NALF1: variants seen among roughly 807,000 people sequenced by gnomAD.
NALF1 encodes the protein family with sequence similarity 155 member A.
A neutral mutation model predicts 48.4 loss-of-function variants in NALF1; 3 were observed. The ratio of observed to expected loss-of-function variants is 0.06; its 90% CI spans 0.03 to 0.16. The LOEUF (loss-of-function observed/expected upper bound fraction) is 0.16. NALF1 is among the 10% of genes least tolerant of loss of function. The pLI is 1.00. For synonymous variants in NALF1, 262 were observed against 245.7 expected (o/e 1.07, Z -0.62); for missense variants, 526 against 571.5 (o/e 0.92, Z 0.81).
Position 107,251,826 on chromosome 13 carries a change from C to T in NALF1, c.916-41071G>A, listed in dbSNP as rs80096657. 4.7e-3 allele frequency among the ~76,000 whole-genome samples: 719 copies of T among 152,200 alleles called. 9 individuals are homozygous for T. The highest frequency in any genetic ancestry group is 0.016 in the African/African-American group (663 of 41,526). ...CACATATGCCTGTTAAAGAATGGAG[C>T]TTGGAATGTGGAGATTTTTATTTCT... On this transcript the variant is annotated intron_variant, in intron 1 of 2. Transcript: ENST00000375915.
At chr13:107,268,264 A>G (rs1030263792) in intron 1 of NALF1, among the ~76,000 whole-genome samples, 1 of 152,130 alleles carries the variant, frequency 6.6e-6, no homozygotes, top group Admixed American at 6.5e-5. Context: ...CCAGGATTAC[A>G]GGTGTGAGCC....
chr13:107,227,385 A>G (rs1407989851), intron 1 of NALF1, among the ~76,000 whole-genome samples: 1 of 152,238 alleles, frequency 6.6e-6, no homozygotes, highest in Non-Finnish European at 1.5e-5. Context: ...AATGTTTAAG[A>G]CACAAAGTGT....
chr13:107,394,439 T>G (rs1346061739), intron 1 of NALF1, among the ~76,000 whole-genome samples: 1 of 152,122 alleles, frequency 6.6e-6, no homozygotes, highest in Admixed American at 6.6e-5. Context: ...TCCTTCAGAC[T>G]GGGACACCTT....
Position 107,362,720 on chromosome 13 carries a change from G to C in NALF1, c.916-151965C>G, listed in dbSNP as rs1387743672. On this transcript the variant is annotated intron_variant, in intron 1 of 2. Transcript: ENST00000375915. The surrounding 1 kb of genome is among the most constrained non-coding windows in gnomAD (Gnocchi z 4.6). ...CAATTCTACCACCGACAAGTGTCTG[G>C]AGGGATGTGGAGCTCCTATGATCCA... 1.3e-5 allele frequency among the ~76,000 whole-genome samples: 2 copies of C among 152,114 alleles called. No homozygotes were observed. Among genetic ancestry groups the C allele is most frequent in the African/African-American group, 4.8e-5 (2 of 41,412 alleles).
At chr13:107,190,770 A>G (rs1879263888) in intron 2 of NALF1, among the ~76,000 whole-genome samples, 1 of 152,252 alleles carries the variant, frequency 6.6e-6, no homozygotes, top group African/African-American at 2.4e-5. Flanking sequence ...ATGGACTTCC[A>G]GTAATTTTAA....
intron 1 of NALF1, among the ~76,000 whole-genome samples, chr13:107,858,952 G>A (rs955572082): frequency 4.6e-5 from 7 of 152,200 alleles, no homozygotes; most frequent in Admixed American, 6.5e-5. Flanking sequence ...TCTATTTAAC[G>A]TCTTAGTTCA....
intron 1 of NALF1, among the ~76,000 whole-genome samples, chr13:107,790,744 C>T (rs1196083269): frequency 1.3e-5 from 2 of 152,048 alleles, no homozygotes; most frequent in African/African-American, 4.8e-5. Flanking sequence ...TCTATGGGTA[C>T]AGTATTAAAT....
chr13:107,765,609 A>G (rs1288823110), intron 1 of NALF1, among the ~76,000 whole-genome samples: 1 of 152,136 alleles, frequency 6.6e-6, no homozygotes, highest in Admixed American at 6.6e-5. Flanking sequence ...GATAGATTTA[A>G]AAGTGAAATT....
intron 1 of NALF1, among the ~76,000 whole-genome samples, chr13:107,329,390 T>G (rs1199792283): frequency 2.0e-5 from 3 of 152,100 alleles, no homozygotes; most frequent in African/African-American, 7.2e-5. Flanking sequence ...ATCTCAACTA[T>G]CCAGGGAGCA....
In NALF1 at chr13:107,181,281, C is replaced by T. The variant is rs140094335; in HGVS notation, c.1088-10495G>A. On this transcript the variant is annotated intron_variant, in intron 2 of 2. Coordinates refer to ENST00000375915, the MANE Select transcript of NALF1 (RefSeq NM_001080396.3). The stretch of plus-strand genomic sequence containing the variant: ...CTTTGTAACAATATTGAATTGAATG[C>T]CACTTTACTCAGTTAAATTGAGTAA... 3.6e-3 allele frequency among the ~76,000 whole-genome samples: 552 copies of T among 151,464 alleles called. 3 individuals are homozygous for T. Among genetic ancestry groups the T allele is most frequent in the African/African-American group, 0.011 (455 of 41,524 alleles).
At chr13:107,623,849 A>T (rs141605792) in intron 1 of NALF1, among the ~76,000 whole-genome samples, 200 of 152,336 alleles carry the variant, frequency 1.3e-3, no homozygotes, top group African/African-American at 4.4e-3. Flanking sequence ...GAAAGGAAAG[A>T]GCTTTGGCCC....
intron 1 of NALF1, among the ~76,000 whole-genome samples, chr13:107,637,988 C>T (rs1322611707): frequency 2.6e-5 from 4 of 151,696 alleles, no homozygotes; most frequent in African/African-American, 9.7e-5. Flanking sequence ...GATGAAAACT[C>T]AACAGATTTG....
intron 1 of NALF1, among the ~76,000 whole-genome samples, chr13:107,681,230 CA>C (rs368405084): frequency 1.0e-3 from 158 of 152,166 alleles, no homozygotes; most frequent in African/African-American, 3.6e-3. Context: ...TCTTTATCAG[CA>C]AAATAAAGAA....
chr13:107,211,010 G>A (rs1594071957), intron 1 of NALF1, among the ~76,000 whole-genome samples: 1 of 152,324 alleles, frequency 6.6e-6, no homozygotes, highest in East Asian at 1.9e-4. Flanking sequence ...TTAATTTTAT[G>A]TGGCTTATTT....
chr13:107,839,557 T>TC (rs922300708), intron 1 of NALF1, among the ~76,000 whole-genome samples: 10 of 151,578 alleles, frequency 6.6e-5, no homozygotes, highest in Non-Finnish European at 2.9e-5. Context: ...GTTCAATTAT[T>TC]CCCCACCTGT....
intron 1 of NALF1, among the ~76,000 whole-genome samples, chr13:107,220,977 A>G (rs567407316): frequency 1.4e-4 from 22 of 152,312 alleles, no homozygotes; most frequent in African/African-American, 5.3e-4. Context: ...GCCATAAAAA[A>G]AAGAACAAAA....
chr13:107,328,934 A>T (rs1033862994), intron 1 of NALF1, among the ~76,000 whole-genome samples: 2 of 152,224 alleles, frequency 1.3e-5, no homozygotes, highest in African/African-American at 4.8e-5. Flanking sequence ...AAAATGTTGT[A>T]ACTAGGTTTT....
intron 1 of NALF1, among the ~76,000 whole-genome samples, chr13:107,245,956 C>G (rs537415018): frequency 6.6e-6 from 1 of 152,148 alleles, no homozygotes; most frequent in South Asian, 2.1e-4. Context: ...ACACTCAGCA[C>G]CTGTAAGATA....
chr13:107,628,633 A>G (rs1879749606), intron 1 of NALF1, among the ~76,000 whole-genome samples: 1 of 152,174 alleles, frequency 6.6e-6, no homozygotes, highest in Non-Finnish European at 1.5e-5. Context: ...CCATTGTCTT[A>G]AGCAATGCCG....
Sources: allele counts gnomAD v4.1 joint callset (sites outside exome capture counted in the v4.1 genomes callset), GRCh38; gene constraint gnomAD v4.1.1; non-coding constraint Gnocchi (gnomAD v3.1); transcripts MANE v1.5; gene names NCBI Gene and HGNC (gene_info 2026-07-23, HGNC 2026-07-21).